The following SLIT3 variants were observed in gnomAD, a reference collection of about 807,000 sequenced individuals.
SLIT3 encodes the protein slit guidance ligand 3.
Under a neutral mutation model 184.0 loss-of-function variants are expected in SLIT3, and 68 were observed. That is an observed-to-expected ratio of 0.37 (90% CI 0.30 to 0.45). SLIT3 has a LOEUF of 0.45. SLIT3 is among the 20% of genes least tolerant of loss of function. The probability of loss-of-function intolerance (pLI) is 1.00; values close to 1 mark genes in which losing one functional copy is unlikely to be tolerated. For synonymous variants in SLIT3, 831 were observed against 828.6 expected (o/e 1.00, Z -0.05); for missense variants, 1,707 against 2,026.0 (o/e 0.84, Z 3.02).
At chr5:168,897,116 C>A (rs1760690451) in intron 4 of SLIT3, among the ~76,000 whole-genome samples, 1 of 69,482 alleles carries the variant, frequency 1.4e-5, no homozygotes, top group Admixed American at 2.1e-4. Flanking sequence ...AATGAAGCAT[C>A]ATCATTACTA....
At chr5:169,018,959 T>G (rs937151821) in intron 4 of SLIT3, among the ~76,000 whole-genome samples, 1 of 152,178 alleles carries the variant, frequency 6.6e-6, no homozygotes, top group African/African-American at 2.4e-5. Flanking sequence ...TCTGCTGAGG[T>G]GCCCATTAGC....
At chr5:168,789,772 A>C in intron 10 of SLIT3, 141 bp from the exon 11 acceptor site, 2 of 655,930 alleles carry the variant, frequency 3.0e-6, no homozygotes, top group South Asian at 4.0e-5. Flanking sequence ...CTCATAGTGC[A>C]AGAGAAGGAG....
At chr5:168,961,148 T>C (rs550467800) in intron 4 of SLIT3, among the ~76,000 whole-genome samples, 3 of 152,330 alleles carry the variant, frequency 2.0e-5, no homozygotes, top group Admixed American at 6.5e-5. Context: ...TGCTAAAATA[T>C]CCAGTGAGAG....
At chr5:168,831,903 C>T (rs1352544375) in intron 6 of SLIT3, among the ~76,000 whole-genome samples, 2 of 152,174 alleles carry the variant, frequency 1.3e-5, no homozygotes, top group African/African-American at 4.8e-5. Context: ...CAAAGAAAAA[C>T]AATACCTCCG....
chr5:169,111,366 T>C (rs1760402169), intron 4 of SLIT3, among the ~76,000 whole-genome samples: 1 of 152,206 alleles, frequency 6.6e-6, no homozygotes, highest in South Asian at 2.1e-4. Context: ...TGATAAGTAT[T>C]TTTGGCTTTG....
chr5:168,897,400 TAGAC>T (rs1760703481), intron 4 of SLIT3, among the ~76,000 whole-genome samples: 1 of 150,602 alleles, frequency 6.6e-6, no homozygotes, highest in Non-Finnish European at 1.5e-5. Flanking sequence ...CCTTTAAAGA[TAGAC>T]AGATATAAAG....
chr5:169,207,722 C>T (rs1036030061), intron 3 of SLIT3, among the ~76,000 whole-genome samples: 2 of 152,112 alleles, frequency 1.3e-5, no homozygotes, highest in African/African-American at 2.4e-5. Flanking sequence ...CTGTCCTTCC[C>T]CCACTAAAAT....
intron 4 of SLIT3, among the ~76,000 whole-genome samples, chr5:169,007,544 A>C (rs62379466): frequency 0.035 from 5,390 of 152,340 alleles, 122 homozygotes; most frequent in Middle Eastern, 0.065. Flanking sequence ...AGTAGTTTGC[A>C]TGACACATAC....
Position 168,945,227 on chromosome 5 carries a change from C to T in SLIT3, c.414-61891G>A, listed in dbSNP as rs577786147. On this transcript the variant is annotated intron_variant, in intron 4 of 35. Coordinates refer to ENST00000519560, the MANE Select transcript of SLIT3 (RefSeq NM_003062.4). ...AAGAAAACCAAAGGAAGATCAAAAG[C>T]TTCGTGATTGGTATCCACATTTTTT... is the stretch of plus-strand genomic sequence containing the variant. 3.3e-5 allele frequency among the ~76,000 whole-genome samples: 5 copies of T among 150,536 alleles called. No individual in the cohort carries two copies. In the South Asian group the frequency reaches 1.1e-3, roughly 32 times the overall value.
intron 1 of SLIT3, among the ~76,000 whole-genome samples, chr5:169,282,291 A>G (rs545750284): frequency 6.6e-6 from 1 of 152,306 alleles, no homozygotes; most frequent in Non-Finnish European, 1.5e-5. Flanking sequence ...AATCTGTTGA[A>G]GATGCACAGG....
intron 3 of SLIT3, among the ~76,000 whole-genome samples, chr5:169,227,551 C>T (rs969754918): frequency 6.6e-6 from 1 of 152,076 alleles, no homozygotes; most frequent in Admixed American, 6.5e-5. Flanking sequence ...TCTCAGCTTC[C>T]CCAGTAGCTG....
At chr5:169,274,084 T>C (rs1042034444) in intron 1 of SLIT3, among the ~76,000 whole-genome samples, 8 of 152,194 alleles carry the variant, frequency 5.3e-5, no homozygotes, top group African/African-American at 7.2e-5. Context: ...AGTATCAGCA[T>C]CACCTGGGAA....
At chr5:168,879,156 G>T (rs941054083) in intron 5 of SLIT3, among the ~76,000 whole-genome samples, 2 of 152,196 alleles carry the variant, frequency 1.3e-5, no homozygotes, top group African/African-American at 4.8e-5. Flanking sequence ...GGCCCAACTG[G>T]TTGTCATTTT....
At chr5:168,697,422 G>A (rs1762095674) in intron 27 of SLIT3, among the ~76,000 whole-genome samples, 1 of 152,206 alleles carries the variant, frequency 6.6e-6, no homozygotes, top group African/African-American at 2.4e-5. Flanking sequence ...CATGCGGAAG[G>A]GATGGGAGTC....
In SLIT3 at chr5:169,300,658, G is replaced by GCGC; in HGVS notation, c.49_51dup (p.Ala17dup). 7.0e-7 allele frequency: 1 copy of GCGC among 1,433,488 alleles called. No homozygotes were observed. Among genetic ancestry groups the GCGC allele is most frequent in the Non-Finnish European group, 9.1e-7 (1 of 1,101,372 alleles). The allele number at this position is 1,433,488 out of a possible 1,614,324, so 88.8% of individuals were successfully genotyped here. ...AGGACGCTCGCCAGCGCCAAGGCCA[G>GCGC]CGCCAGGCGGGCGCGCACGGCGGCG... On this transcript the variant is annotated inframe_insertion, in exon 1 of 36. Transcript: ENST00000519560. This position sits in a 1 kb window ranked among gnomAD's most constrained non-coding sequence, Gnocchi z 4.1.
At chr5:169,198,951 T>TACACACAC (rs1477377593) in intron 3 of SLIT3, among the ~76,000 whole-genome samples, 2 of 69,704 alleles carry the variant, frequency 2.9e-5, no homozygotes, top group African/African-American at 1.2e-4. Context: ...ACAAACAAAC[T>TACACACAC]ATACACACAC....
At chr5:168,681,873 C>T (rs989993915) in intron 32 of SLIT3, among the ~76,000 whole-genome samples, 3 of 152,214 alleles carry the variant, frequency 2.0e-5, no homozygotes, top group Non-Finnish European at 4.4e-5. Flanking sequence ...ATCTGCCAAG[C>T]ACTTCCTCCA....
intron 4 of SLIT3, among the ~76,000 whole-genome samples, chr5:169,035,720 A>G (rs145883429): frequency 2.0e-5 from 3 of 152,166 alleles, no homozygotes; most frequent in African/African-American, 7.2e-5. Flanking sequence ...TACCACGATA[A>G]TCTATTTCCA....
chr5:168,952,570 T>TA (rs745412127), intron 4 of SLIT3, among the ~76,000 whole-genome samples: 3 of 120,234 alleles, frequency 2.5e-5, no homozygotes, highest in African/African-American at 8.0e-5. Context: ...GCAAAGGGAT[T>TA]TAAAAAAAAA....
Sources: allele counts gnomAD v4.1 joint callset (sites outside exome capture counted in the v4.1 genomes callset), GRCh38; gene constraint gnomAD v4.1.1; non-coding constraint Gnocchi (gnomAD v3.1); transcripts MANE v1.5; gene names NCBI Gene and HGNC (gene_info 2026-07-23, HGNC 2026-07-21).